The following CENPK variants were observed in gnomAD, a reference collection of about 807,000 sequenced individuals.
CENPK encodes SoxLZ/Sox6-binding protein Solt.
In CENPK, 46 loss-of-function variants were observed where a neutral mutation model predicts 40.9. The observed-to-expected ratio is 1.13, with a 90% CI of 0.89 to 1.44. The LOEUF (loss-of-function observed/expected upper bound fraction) is 1.44. CENPK is among the 40% of genes most tolerant of loss of function. CENPK has a pLI of 0.00. For synonymous variants in CENPK, 107 were observed against 104.4 expected (o/e 1.02, Z -0.15); for missense variants, 288 against 303.5 (o/e 0.95, Z 0.38).
intron 2 of CENPK, 100 bp downstream of exon 2, chr5:65,561,363 G>T (rs76149995): frequency 1.4e-5 from 4 of 294,238 alleles, no homozygotes; most frequent in Non-Finnish European, 2.9e-5. Flanking sequence ...TGGTGGGGGC[G>T]GAGGGTGAGG....
chr5:65,561,903 A>G (rs1752034455), intron 1 of CENPK, among the ~76,000 whole-genome samples: 4 of 152,222 alleles, frequency 2.6e-5, no homozygotes. Flanking sequence ...CATTGGTCAG[A>G]CACTGGCTTT....
intron 10 of CENPK, 86 bp downstream of exon 10, chr5:65,521,389 T>C (rs1353355147): frequency 3.7e-6 from 3 of 817,296 alleles, no homozygotes; most frequent in Non-Finnish European, 6.1e-6. Flanking sequence ...ATTAAAGCAG[T>C]ATTTTTTGTT....
At chr5:65,547,018 T>C (rs1328349524) in intron 5 of CENPK, among the ~76,000 whole-genome samples, 2 of 152,188 alleles carry the variant, frequency 1.3e-5, no homozygotes, top group African/African-American at 4.8e-5. Flanking sequence ...GAAGTTATTA[T>C]TACAGATATA....
chr5:65,498,045 A>G, the CENPK span, among the ~76,000 whole-genome samples: 1 of 152,194 alleles, frequency 6.6e-6, no homozygotes, highest in Non-Finnish European at 1.5e-5. Flanking sequence ...AATTTCTTAT[A>G]CTGTATGTAT....
At chr5:65,558,713 C>T (rs1751403775) in intron 2 of CENPK, among the ~76,000 whole-genome samples, 1 of 152,168 alleles carries the variant, frequency 6.6e-6, no homozygotes, top group Admixed American at 6.5e-5. Flanking sequence ...TGTATGTTTT[C>T]TTCTATGGTG....
chr5:65,561,433 T>A (rs1751941706), intron 2 of CENPK, 30 bp downstream of exon 2: 2 of 437,880 alleles, frequency 4.6e-6, no homozygotes, highest in South Asian at 1.6e-5. Context: ...AATAAAAACA[T>A]ATAGAAACAT....
chr5:65,503,988 C>T, the CENPK span, among the ~76,000 whole-genome samples: 3 of 151,668 alleles, frequency 2.0e-5, no homozygotes, highest in South Asian at 6.2e-4. Context: ...AACAGAAAAG[C>T]CAAAAACATT....
chr5:65,502,817 T>C, the CENPK span, among the ~76,000 whole-genome samples: 1 of 151,876 alleles, frequency 6.6e-6, no homozygotes, highest in Non-Finnish European at 1.5e-5. Flanking sequence ...TATTTATTTA[T>C]TATTTTTTGA....
At chr5:65,515,685 T>C (rs1181589265), downstream of CENPK, among the ~76,000 whole-genome samples, 2 of 152,236 alleles carry the variant, frequency 1.3e-5, no homozygotes, top group Non-Finnish European at 2.9e-5. Context: ...ACATAGCTTC[T>C]ATGGTGTCTT....
At chr5:65,522,844 G>A (rs1022036842) in intron 9 of CENPK, among the ~76,000 whole-genome samples, 2 of 152,120 alleles carry the variant, frequency 1.3e-5, no homozygotes, top group African/African-American at 4.8e-5. Flanking sequence ...AATGATCTAG[G>A]TGTGATTTGA....
chr5:65,503,129 G>A, the CENPK span, among the ~76,000 whole-genome samples: 1 of 47,006 alleles, frequency 2.1e-5, no homozygotes, highest in Non-Finnish European at 4.3e-5. Context: ...TTTTTTTTTT[G>A]AGACAGAGTC....
intron 4 of CENPK, 90 bp from the exon 5 acceptor site, chr5:65,551,726 T>G: frequency 1.5e-6 from 1 of 654,854 alleles, no homozygotes; most frequent in Non-Finnish European, 2.5e-6. Context: ...TTTTAAAACT[T>G]TGCAGGGGGG....
intron 6 of CENPK, among the ~76,000 whole-genome samples, chr5:65,533,214 G>A (rs1253909233): frequency 2.0e-5 from 3 of 151,808 alleles, no homozygotes; most frequent in South Asian, 2.1e-4. Context: ...AGCCCAAAGC[G>A]GTGACAGGTG....
chr5:65,510,937 C>A, the CENPK span, among the ~76,000 whole-genome samples: 1 of 152,140 alleles, frequency 6.6e-6, no homozygotes, highest in South Asian at 2.1e-4. Context: ...CTCAGGGATT[C>A]TTCAGAGTCA....
chr5:65,508,885 C>T, the CENPK span, among the ~76,000 whole-genome samples: 1 of 149,910 alleles, frequency 6.7e-6, no homozygotes, highest in East Asian at 2.0e-4. Flanking sequence ...ACCAAAAACA[C>T]AATCTATGAA....
chr5:65,528,730 A>G, intron 8 of CENPK, 152 bp from the exon 9 acceptor site: 1 of 1,148,454 alleles, frequency 8.7e-7, no homozygotes, highest in East Asian at 2.7e-5. Flanking sequence ...TTGTCTATAT[A>G]ACAAGTAGAG....
chr5:65,496,962 C>A, the CENPK span, among the ~76,000 whole-genome samples: 1 of 151,876 alleles, frequency 6.6e-6, no homozygotes, highest in Non-Finnish European at 1.5e-5. Flanking sequence ...GAGGCTGAGG[C>A]AGAGAATTGA....
intron 2 of CENPK, among the ~76,000 whole-genome samples, chr5:65,559,596 T>C (rs1751605549): frequency 1.5e-5 from 2 of 135,378 alleles, no homozygotes; most frequent in African/African-American, 2.9e-5. Flanking sequence ...GCCACTGCAC[T>C]CCAGCCTGGG....
chr5:65,554,661 T>C, intron 3 of CENPK, 136 bp downstream of exon 3: 1 of 621,688 alleles, frequency 1.6e-6, no homozygotes, highest in East Asian at 2.8e-5. Context: ...TGCTGATAGG[T>C]CTAAAAGCTA....
Sources: allele counts gnomAD v4.1 joint callset (sites outside exome capture counted in the v4.1 genomes callset), GRCh38; gene constraint gnomAD v4.1.1; transcripts MANE v1.5; gene names NCBI Gene and HGNC (gene_info 2026-07-23, HGNC 2026-07-21).